The following COL22A1 variants were observed in gnomAD, a reference collection of about 807,000 sequenced individuals.
COL22A1 encodes the protein collagen type XXII alpha 1 chain.
COL22A1 carries 221 observed loss-of-function variants against 248.9 expected under a neutral mutation model. The ratio of observed to expected loss-of-function variants is 0.89; its 90% CI spans 0.80 to 0.99. The LOEUF (loss-of-function observed/expected upper bound fraction) is 0.99. Ranked by LOEUF, COL22A1 falls within the 50% of genes least tolerant of loss-of-function variation. The pLI is 0.00. For synonymous variants in COL22A1, 891 were observed against 793.4 expected, an observed-to-expected ratio of 1.12 and a Z score of -2.07; for missense variants, 2,240 against 2,179.0, an observed-to-expected ratio of 1.03 and a Z score of -0.56.
chr8:138,727,067 C>T (rs1234693673), intron 23 of COL22A1, among the ~76,000 whole-genome samples: 1 of 152,140 alleles, frequency 6.6e-6, no homozygotes, highest in Non-Finnish European at 1.5e-5. Context: ...TGATAGTCCT[C>T]ACGCAGGGAC....
chr8:138,689,097 C>T, intron 36 of COL22A1, 127 bp from the exon 37 acceptor site: 1 of 741,280 alleles, frequency 1.3e-6, no homozygotes, highest in Non-Finnish European at 2.4e-6. Flanking sequence ...CACCCAATTC[C>T]CATACTTTAT....
chr8:138,906,335 A>C (rs918100903), intron 1 of COL22A1, among the ~76,000 whole-genome samples: 4 of 148,814 alleles, frequency 2.7e-5, no homozygotes, highest in Non-Finnish European at 5.9e-5. Context: ...GTGCCACTGC[A>C]CTCCAGCCTG....
At chr8:138,725,117 A>G (rs990895833) in intron 24 of COL22A1, among the ~76,000 whole-genome samples, 1 of 152,166 alleles carries the variant, frequency 6.6e-6, no homozygotes, top group African/African-American at 2.4e-5. Flanking sequence ...CGAATGGGCA[A>G]CCCCAGGCTA....
At chr8:138,661,906 GA>G (rs1824000062) in intron 43 of COL22A1, 123 bp downstream of exon 43, 2 of 608,064 alleles carry the variant, frequency 3.3e-6, no homozygotes, top group African/African-American at 1.9e-5. Context: ...GGGCTTCCTG[GA>G]AATCCTCAAC....
Position 138,779,503 on chromosome 8 carries a change from A to T in COL22A1, c.1704+6T>A, listed in dbSNP as rs371814806. On this transcript the variant is annotated splice_donor_region_variant and intron_variant, in intron 14 of 64. Coordinates refer to ENST00000303045, the MANE Select transcript of COL22A1 (RefSeq NM_152888.3). Reference sequence around the variant, plus strand: ...TCAGAAGGGCCCAGCTCACAGCAACACTCACCCGCATGCCGACCTCACCCG... The same window carrying T: ...TCAGAAGGGCCCAGCTCACAGCAACTCTCACCCGCATGCCGACCTCACCCG... 2 of 1,608,748 alleles carry T rather than the reference A, an allele frequency of 1.2e-6. No homozygotes were observed. Among genetic ancestry groups the T allele is most frequent in the Middle Eastern group, 1.7e-4 (1 of 6,000 alleles).
chr8:138,764,785 C>T (rs1385055723), intron 16 of COL22A1, among the ~76,000 whole-genome samples: 5 of 151,978 alleles, frequency 3.3e-5, no homozygotes, highest in African/African-American at 9.7e-5. Context: ...ATGGTGAAAC[C>T]CCATCTCTAC....
At chr8:138,754,228 C>T (rs185469967) in intron 21 of COL22A1, among the ~76,000 whole-genome samples, 1 of 148,428 alleles carries the variant, frequency 6.7e-6, no homozygotes, top group African/African-American at 2.5e-5. Context: ...GAACACACTG[C>T]ATTCTCTGCA....
intron 6 of COL22A1, 31 bp downstream of exon 6, chr8:138,826,627 A>G (rs1819604562): frequency 6.2e-7 from 1 of 1,611,346 alleles, no homozygotes; most frequent in Non-Finnish European, 8.5e-7. Context: ...AAAGCTCAGG[A>G]CCACTGAGAT....
Position 138,591,365 on chromosome 8 carries a change from G to T in COL22A1, c.4693+59C>A, listed in dbSNP as rs1817026022. On this transcript the variant is annotated intron_variant, in intron 64 of 64. Coordinates refer to ENST00000303045, the MANE Select transcript of COL22A1 (RefSeq NM_152888.3). ...TGAGTCCTGTGGGGCCACGGGCAGG[G>T]GTGCTGGGTCTCCAGGGTAGCTCAC... is the stretch of plus-strand genomic sequence containing the variant. 3 of 1,323,340 alleles carry T rather than the reference G, an allele frequency of 2.3e-6. No homozygotes were observed. In the South Asian group the frequency reaches 4.8e-5, roughly 21 times the overall value. 82.0% of individuals were successfully genotyped at this position (1,323,340 alleles called of 1,614,324 possible).
chr8:138,720,692 C>G, intron 27 of COL22A1, 47 bp downstream of exon 27: 2 of 1,485,078 alleles, frequency 1.3e-6, no homozygotes, highest in Non-Finnish European at 1.9e-6. Context: ...CCCAAATAGA[C>G]CACTCAGAAT....
At chr8:138,840,692 A>C (rs1271599502) in intron 4 of COL22A1, among the ~76,000 whole-genome samples, 1 of 152,104 alleles carries the variant, frequency 6.6e-6, no homozygotes, top group Non-Finnish European at 1.5e-5. Flanking sequence ...GGCTTAAGCG[A>C]ACCACCCACC....
intron 59 of COL22A1, among the ~76,000 whole-genome samples, chr8:138,604,248 G>T (rs1005012736): frequency 2.6e-5 from 4 of 152,182 alleles, no homozygotes; most frequent in Admixed American, 6.5e-5. Context: ...GGGCAGACCT[G>T]CAGGTTGTAC....
At chr8:138,705,703 C>T (rs1321924693) in intron 30 of COL22A1, among the ~76,000 whole-genome samples, 3 of 152,204 alleles carry the variant, frequency 2.0e-5, no homozygotes, top group Non-Finnish European at 4.4e-5. Flanking sequence ...ACCACCCATG[C>T]TAGGAAGAAA....
chr8:138,880,929 G>A (rs2132058559), intron 2 of COL22A1, among the ~76,000 whole-genome samples: 1 of 152,350 alleles, frequency 6.6e-6, no homozygotes. Context: ...TTTGAGCTCA[G>A]GGCACATTTT....
chr8:138,830,737 T>C (rs1586845552), intron 5 of COL22A1, among the ~76,000 whole-genome samples: 1 of 152,224 alleles, frequency 6.6e-6, no homozygotes, highest in African/African-American at 2.4e-5. Flanking sequence ...ACTTTTGCTT[T>C]CTTTATTTTG....
chr8:138,742,694 TTGATGG>T (rs1379590846), intron 22 of COL22A1, among the ~76,000 whole-genome samples: 3 of 117,368 alleles, frequency 2.6e-5, no homozygotes, highest in African/African-American at 1.0e-4. Flanking sequence ...GATGGTGGAG[TTGATGG>T]TGATGATGAT....
intron 30 of COL22A1, among the ~76,000 whole-genome samples, chr8:138,708,443 A>T (rs1828671905): frequency 1.3e-5 from 2 of 152,252 alleles, no homozygotes; most frequent in South Asian, 4.1e-4. Flanking sequence ...ACGGAGATAT[A>T]GACCAATGGA....
intron 45 of COL22A1, among the ~76,000 whole-genome samples, chr8:138,653,923 C>A (rs115988511): frequency 0.016 from 2,383 of 152,302 alleles, 56 homozygotes; most frequent in African/African-American, 0.055. Flanking sequence ...CCAGGCAAAG[C>A]TCAGCTCTGT....
intron 45 of COL22A1, among the ~76,000 whole-genome samples, chr8:138,650,583 C>T (rs1375467287): frequency 6.6e-6 from 1 of 152,138 alleles, no homozygotes; most frequent in Non-Finnish European, 1.5e-5. Flanking sequence ...CTCTCTAATC[C>T]TCCCTCTCAT....
Sources: allele counts gnomAD v4.1 joint callset (sites outside exome capture counted in the v4.1 genomes callset), GRCh38; gene constraint gnomAD v4.1.1; transcripts MANE v1.5; gene names NCBI Gene and HGNC (gene_info 2026-07-23, HGNC 2026-07-21).